HIP1R: variants seen among roughly 807,000 people sequenced by gnomAD.
HIP1R encodes huntingtin interacting protein 1 related, also known as huntingtin-interacting protein 1-related protein.
HIP1R carries 135 observed loss-of-function variants against 144.2 expected under a neutral mutation model. The ratio of observed to expected loss-of-function variants is 0.94; its 90% CI spans 0.81 to 1.08. The LOEUF is 1.08. Ranked by LOEUF, HIP1R falls within the 50% of genes least tolerant of loss-of-function variation. The probability of loss-of-function intolerance (pLI) is 0.00; values close to 1 mark genes in which losing one functional copy is unlikely to be tolerated. For missense variants in HIP1R, 1,462 were observed against 1,432.8 expected, an observed-to-expected ratio of 1.02 and a Z score of -0.33; for synonymous variants, 698 against 612.8, an observed-to-expected ratio of 1.14 and a Z score of -2.05.
At position 122,854,158 on chromosome 12, in the gene HIP1R, C is replaced by T; in HGVS notation, c.693C>T (p.Val231=). Residue 231 remains valine (V), a synonymous_variant, in exon 8 of 32, where the codon GTC becomes GTT. Coordinates refer to ENST00000253083, the MANE Select transcript of HIP1R (RefSeq NM_003959.3). ...GCAGCCACCTCTACCACTACACGGT[C>T]AAGCTCCTGTTCAAGCTACACTCTT... is the stretch of plus-strand genomic sequence containing the variant. ...QDCSHLYHYT[V]KLLFKLHSCL... The T allele has an allele frequency of 6.2e-7, 1 of 1,613,830 alleles. No individual in the cohort carries two copies. The highest frequency in any genetic ancestry group is 8.5e-7 in the Non-Finnish European group (1 of 1,179,898).
intron 16 of HIP1R, 37 bp from the exon 17 acceptor site, chr12:122,856,588 C>T (rs1452830002): frequency 6.3e-7 from 1 of 1,598,524 alleles, no homozygotes; most frequent in African/African-American, 1.3e-5. Flanking sequence ...CCGGCATCCC[C>T]AGCCCACTGC....
intron 26 of HIP1R, 21 bp downstream of exon 26, chr12:122,860,231 G>A: frequency 6.5e-7 from 1 of 1,546,642 alleles, no homozygotes; most frequent in Non-Finnish European, 8.7e-7. Context: ...GGCGGCAGCA[G>A]GGCACAGTCC....
intron 1 of HIP1R, among the ~76,000 whole-genome samples, chr12:122,843,044 A>G (rs1383617645): frequency 2.6e-5 from 4 of 152,230 alleles, no homozygotes; most frequent in Admixed American, 6.5e-5. Context: ...GCCAGCCCCA[A>G]GGCCTTCGTT....
chr12:122,860,731 G>C lies in HIP1R; in HGVS notation c.2713G>C (p.Val905Leu). 1 of 1,613,286 alleles carries C rather than the reference G, an allele frequency of 6.2e-7. No individual in the cohort carries two copies. Among genetic ancestry groups the C allele is most frequent in the Non-Finnish European group, 8.5e-7 (1 of 1,179,964 alleles). Residue 905 changes from valine (V) to leucine (L), a missense_variant, in exon 28 of 32, where the codon GTC (valine) becomes CTC (leucine). Val to Leu is a conservative substitution (Grantham distance 32). This residue lies in a region of HIP1R where 1,112 missense variants were observed against 1,011.7 expected (regional missense o/e 1.10). Coordinates refer to ENST00000253083, the MANE Select transcript of HIP1R (RefSeq NM_003959.3). ...CACGGGCAAGTATGAGGAGCTCATC[G>C]TCTGCTCCCACGAGATCGCAGCCAG... The part of the protein sequence containing the change: ...LHTGKYEELI[V>L]CSHEIAASTA...
intron 2 of HIP1R, 78 bp from the exon 3 acceptor site, chr12:122,848,388 G>T: frequency 6.5e-7 from 1 of 1,530,988 alleles, no homozygotes; most frequent in Non-Finnish European, 8.8e-7. Context: ...TCTTCCGGCG[G>T]CCCTGGCCTC....
chr12:122,859,433 A>T lies in HIP1R; in HGVS notation c.2303A>T (p.Lys768Ile). The stretch of plus-strand genomic sequence containing the variant: ...GACTCCCATCCTCACCAGGAACTGA[A>T]ACCCAAGAGCCTAGATGTGCGGCAG... ...QGILQLGQEL[K>I]PKSLDVRQEE... is the part of the protein sequence containing the mutation. The change falls in exon 23 of 32, where the codon AAA becomes ATA. Residue 768 changes from lysine (K) to isoleucine (I), a missense_variant. Lys to Ile is a moderately radical substitution (Grantham distance 102, BLOSUM62 -3). This residue lies in a region of HIP1R where 1,112 missense variants were observed against 1,011.7 expected (regional missense o/e 1.10). Coordinates refer to ENST00000253083, the MANE Select transcript of HIP1R (RefSeq NM_003959.3). 1 of 1,613,258 alleles carries T rather than the reference A, an allele frequency of 6.2e-7. No individual in the cohort carries two copies. The highest frequency in any genetic ancestry group is 2.2e-5 in the East Asian group (1 of 44,876).
At chr12:122,846,148 C>A (rs2135642237) in intron 1 of HIP1R, among the ~76,000 whole-genome samples, 1 of 152,316 alleles carries the variant, frequency 6.6e-6, no homozygotes. Flanking sequence ...AGGACAGCTG[C>A]TTGCCAGTGA....
Position 122,856,102 on chromosome 12 carries a change from C to T in HIP1R, c.1251C>T (p.Ala417=). The part of the protein sequence containing the change: ...VDNEQLRHEL[A]QLRAAQLEGE... ...ATGAGCAGCTCCGCCACGAGCTGGC[C>T]CAGCTGAGGGCTGCCCAGCTGGAGG... The change falls in exon 14 of 32, where the codon GCC becomes GCT. Residue 417 remains alanine (A), a synonymous_variant. Coordinates refer to ENST00000253083, the MANE Select transcript of HIP1R (RefSeq NM_003959.3). The T allele has an allele frequency of 1.3e-6, 2 of 1,586,990 alleles. No homozygotes were observed. The highest frequency in any genetic ancestry group is 1.1e-5 in the South Asian group (1 of 87,888).
At chr12:122,846,264 A>G (rs1210189160) in intron 1 of HIP1R, among the ~76,000 whole-genome samples, 1 of 152,194 alleles carries the variant, frequency 6.6e-6, no homozygotes, top group African/African-American at 2.4e-5. Flanking sequence ...TTGTGGAATC[A>G]GACAGACCTG....
intron 8 of HIP1R, among the ~76,000 whole-genome samples, chr12:122,854,412 C>T (rs1304434023): frequency 2.0e-5 from 3 of 150,786 alleles, no homozygotes; most frequent in Non-Finnish European, 2.9e-5. Context: ...TTCATTTTTA[C>T]GACTAAATGC....
intron 1 of HIP1R, among the ~76,000 whole-genome samples, chr12:122,843,882 A>G (rs989959558): frequency 2.6e-5 from 4 of 152,112 alleles, no homozygotes; most frequent in African/African-American, 7.2e-5. Flanking sequence ...GATGGAGTTT[A>G]GCTCTGTTGC....
At position 122,858,392 on chromosome 12, in the gene HIP1R, C is replaced by T. The variant is rs976039082; in HGVS notation, c.2007C>T (p.Ser669=). The T allele has an allele frequency of 6.2e-7, 1 of 1,611,142 alleles. No homozygotes were observed. The highest frequency in any genetic ancestry group is 8.5e-7 in the Non-Finnish European group (1 of 1,178,584). The part of the protein sequence containing the change: ...SRAQEALDAV[S]TLEEGHAQYL... ...CCCAGGAGGCCTTGGATGCCGTGAG[C>T]ACCCTGGAGGAGGGCCACGCCCAGT... The change falls in exon 20 of 32, where the codon AGC becomes AGT. Residue 669 remains serine, a synonymous_variant. Transcript: ENST00000253083.
rs749683557 is a variant in HIP1R at position 122,851,195 on chromosome 12, AC to A, written c.516-38del. On this transcript the variant is annotated intron_variant, in intron 6 of 31. Transcript: ENST00000253083. ...CGTCTCAGGACGAGTGGGTGGGTCC[AC>A]CCACCCTTTTTCATTTCTTCCCCCA... The A allele has an allele frequency of 8.1e-6, 12 of 1,474,156 alleles. No individual in the cohort carries two copies. In the Admixed American group the frequency reaches 3.2e-4, roughly 39 times the overall value. The allele number at this position is 1,474,156 out of a possible 1,614,324, so 91.3% of individuals were successfully genotyped here. A position where few individuals can be genotyped will look rare whatever the true frequency, so the allele number is the denominator to read the frequency against.
rs1459692386 is a variant in HIP1R at position 122,859,485 on chromosome 12, G to A, written c.2355G>A (p.Lys785=). 4 of 1,613,334 alleles carry A rather than the reference G, an allele frequency of 2.5e-6. No individual in the cohort carries two copies. The highest frequency in any genetic ancestry group is 2.2e-5 in the East Asian group (1 of 44,892). The part of the protein sequence containing the change: ...RQEELGAVVD[K]EMAATSAAIE... ...AGGAGCTGGGGGCCGTGGTCGACAA[G>A]GAGATGGCGGCCACATCCGCAGCCA... Residue 785 remains lysine (K), a synonymous_variant, in exon 23 of 32, where the codon AAG becomes AAA. Coordinates refer to ENST00000253083, the MANE Select transcript of HIP1R (RefSeq NM_003959.3).
In HIP1R at chr12:122,854,891, G is replaced by C. The variant is rs772612785; in HGVS notation, c.719-14G>C. The C allele has an allele frequency of 4.3e-6, 7 of 1,612,054 alleles. No homozygotes were observed. In the East Asian group the frequency reaches 1.3e-4, roughly 31 times the overall value. On this transcript the variant is annotated splice_polypyrimidine_tract_variant and intron_variant, in intron 8 of 31. Coordinates refer to ENST00000253083, the MANE Select transcript of HIP1R (RefSeq NM_003959.3). The stretch of plus-strand genomic sequence containing the variant: ...TGTGCAGAGAAGTCCTGTTACACTT[G>C]TGCCACCCTCCAGGTCTCCCTGCGG...
In HIP1R at chr12:122,856,434, C is replaced by T. The variant is rs368723636; in HGVS notation, c.1404C>T (p.Asn468=). Residue 468 remains asparagine (N), a splice_region_variant and synonymous_variant, in exon 16 of 32, where the codon AAC becomes AAT. Transcript: ENST00000253083. ...VHVHAELLRK[N]ADTAKQLTVT... ...GAGCCCTTCCCCTGCCCATGCAGAA[C>T]GCGGACACAGCCAAGCAGCTGACGG... 65 of 1,595,926 alleles carry T rather than the reference C, an allele frequency of 4.1e-5. No individual in the cohort carries two copies. The highest frequency in any genetic ancestry group is 1.7e-4 in the Middle Eastern group (1 of 6,060).
upstream of HIP1R, chr12:122,834,832 G>C (rs1418008835): frequency 4.5e-6 from 3 of 674,048 alleles, no homozygotes; most frequent in African/African-American, 3.8e-5. Context: ...ATGGATAACA[G>C]CTGCAGCTAT....
intron 1 of HIP1R, among the ~76,000 whole-genome samples, chr12:122,843,881 T>C (rs959435632): frequency 6.6e-6 from 1 of 152,198 alleles, no homozygotes; most frequent in Non-Finnish European, 1.5e-5. Flanking sequence ...AGATGGAGTT[T>C]AGCTCTGTTG....
At chr12:122,856,975 G>C in intron 17 of HIP1R, 46 bp from the exon 18 acceptor site, 1 of 1,403,586 alleles carries the variant, frequency 7.1e-7, no homozygotes, top group Non-Finnish European at 9.6e-7. Flanking sequence ...GGTGGGTGGG[G>C]CCTGGGAGCT....
Sources: allele counts gnomAD v4.1 joint callset (sites outside exome capture counted in the v4.1 genomes callset), GRCh38; gene constraint gnomAD v4.1.1; regional missense constraint gnomAD v4.1.1; transcripts MANE v1.5; gene names NCBI Gene and HGNC (gene_info 2026-07-23, HGNC 2026-07-21).